The following SLC25A21 variants were observed in gnomAD, a reference collection of about 807,000 sequenced individuals.
SLC25A21 encodes the protein solute carrier family 25 member 21, also known as mitochondrial 2-oxodicarboxylate carrier.
In SLC25A21, 47 loss-of-function variants were observed where a neutral mutation model predicts 43.8. That is an observed-to-expected ratio of 1.07 (90% CI 0.85 to 1.37). The LOEUF (loss-of-function observed/expected upper bound fraction) is 1.37, where lower values mean the gene tolerates loss of function less well. SLC25A21 is among the 40% of genes most tolerant of loss of function. SLC25A21 has a pLI of 0.00. For synonymous variants in SLC25A21, 131 were observed against 121.3 expected, an observed-to-expected ratio of 1.08 and a Z score of -0.52; for missense variants, 352 against 350.2, an observed-to-expected ratio of 1.00 and a Z score of -0.04.
intron 1 of SLC25A21, among the ~76,000 whole-genome samples, chr14:37,085,283 T>G (rs1566870052): frequency 6.6e-6 from 1 of 152,196 alleles, no homozygotes; most frequent in Non-Finnish European, 1.5e-5. Flanking sequence ...CAGCCTTATT[T>G]TCTCCAACTC....
At chr14:37,136,332 T>C (rs904833060) in intron 1 of SLC25A21, among the ~76,000 whole-genome samples, 1 of 152,190 alleles carries the variant, frequency 6.6e-6, no homozygotes, top group Non-Finnish European at 1.5e-5. Context: ...TTAAATAGCC[T>C]TTCATGCCTA....
intron 1 of SLC25A21, among the ~76,000 whole-genome samples, chr14:36,916,709 T>C (rs1168186547): frequency 6.6e-6 from 1 of 152,188 alleles, no homozygotes; most frequent in Non-Finnish European, 1.5e-5. Flanking sequence ...GTATAACTAC[T>C]GTGTCCACAC....
At position 37,004,282 on chromosome 14, in the gene SLC25A21, A is replaced by C. The variant is rs541450744; in HGVS notation, c.71-129278T>G. Among the ~76,000 whole-genome samples the C allele has an allele frequency of 5.9e-4, 90 of 152,304 alleles. 1 individual carries two copies. Among genetic ancestry groups the C allele is most frequent in the African/African-American group, 2.2e-3 (90 of 41,580 alleles). On this transcript the variant is annotated intron_variant, in intron 1 of 9. Coordinates refer to ENST00000331299, the MANE Select transcript of SLC25A21 (RefSeq NM_030631.4). ...CCAAATTCTATTTTGAAATGTCATC[A>C]GTGCTTGGGGAAAAAAACTATCAGT...
At chr14:37,043,734 C>CT (rs940235064) in intron 1 of SLC25A21, among the ~76,000 whole-genome samples, 183 of 151,798 alleles carry the variant, frequency 1.2e-3, no homozygotes, top group African/African-American at 4.2e-3. Context: ...TTCTCCCATT[C>CT]TTTTTTTGTT....
At chr14:36,798,695 G>A (rs1887758846) in intron 3 of SLC25A21, among the ~76,000 whole-genome samples, 1 of 152,062 alleles carries the variant, frequency 6.6e-6, no homozygotes, top group African/African-American at 2.4e-5. Flanking sequence ...CAGAAAAGAT[G>A]CCGATATCTT....
intron 1 of SLC25A21, among the ~76,000 whole-genome samples, chr14:37,124,730 G>A (rs1359853645): frequency 6.6e-6 from 1 of 152,146 alleles, no homozygotes; most frequent in Admixed American, 6.5e-5. Context: ...GTGTTGGTGG[G>A]GCCTGGTGGG....
chr14:36,896,887 A>G (rs1007762428), intron 1 of SLC25A21, among the ~76,000 whole-genome samples: 6 of 152,164 alleles, frequency 3.9e-5, no homozygotes, highest in Admixed American at 6.5e-5. Flanking sequence ...GCTGGCTTGT[A>G]GAGTTTCTGC....
At chr14:36,708,160 T>A (rs1470168316) in intron 7 of SLC25A21, among the ~76,000 whole-genome samples, 1 of 152,204 alleles carries the variant, frequency 6.6e-6, no homozygotes, top group Non-Finnish European at 1.5e-5. Context: ...TACTGTAGGA[T>A]ACTTTGGATG....
intron 2 of SLC25A21, among the ~76,000 whole-genome samples, chr14:36,826,856 G>A (rs1888852075): frequency 6.6e-6 from 1 of 152,162 alleles, no homozygotes; most frequent in African/African-American, 2.4e-5. Context: ...TCACTCTCAG[G>A]TATAGCCCCT....
At chr14:36,698,433 G>A (rs1472106642) in intron 7 of SLC25A21, among the ~76,000 whole-genome samples, 1 of 152,152 alleles carries the variant, frequency 6.6e-6, no homozygotes, top group Non-Finnish European at 1.5e-5. Context: ...GGTGTTCTCT[G>A]TATTTCCTGA....
At chr14:36,867,790 C>CGTGTGTGTGT (rs10606711) in intron 2 of SLC25A21, among the ~76,000 whole-genome samples, 1 of 146,128 alleles carries the variant, frequency 6.8e-6, no homozygotes, top group African/African-American at 2.5e-5. Context: ...ACCATGCTTT[C>CGTGTGTGTGT]GTGTGTGTGT....
chr14:37,160,267 C>A (rs983826292), intron 1 of SLC25A21, among the ~76,000 whole-genome samples: 1 of 152,180 alleles, frequency 6.6e-6, no homozygotes, highest in Admixed American at 6.5e-5. Flanking sequence ...GCTGCACTTG[C>A]ATGTTTATTG....
chr14:36,752,876 G>A (rs908209434), intron 3 of SLC25A21, among the ~76,000 whole-genome samples: 4 of 152,134 alleles, frequency 2.6e-5, no homozygotes, highest in Non-Finnish European at 1.5e-5. Flanking sequence ...GAAGAAGGAC[G>A]TGTTTGCTTC....
intron 1 of SLC25A21, among the ~76,000 whole-genome samples, chr14:37,138,440 G>A (rs1014314195): frequency 6.6e-6 from 1 of 152,070 alleles, no homozygotes; most frequent in Non-Finnish European, 1.5e-5. Context: ...GAGAAAATGT[G>A]AAGATTTTCA....
chr14:37,115,166 G>A (rs1483588345), intron 1 of SLC25A21, among the ~76,000 whole-genome samples: 5 of 152,192 alleles, frequency 3.3e-5, no homozygotes, highest in African/African-American at 9.6e-5. Flanking sequence ...TCTTTTGCCC[G>A]GGGATATATC....
At chr14:37,040,373 G>GAAAGAAAGAAAGAAAGAA (rs57318602) in intron 1 of SLC25A21, among the ~76,000 whole-genome samples, 7 of 20,944 alleles carry the variant, frequency 3.3e-4, no homozygotes, top group Non-Finnish European at 4.9e-4. Context: ...GAGAGAGAGA[G>GAAAGAAAGAAAGAAAGAA]AGAAAGAAAG....
At chr14:36,745,965 T>C (rs1234836385) in intron 3 of SLC25A21, among the ~76,000 whole-genome samples, 2 of 152,092 alleles carry the variant, frequency 1.3e-5, no homozygotes, top group East Asian at 1.9e-4. Context: ...CAGATGTTGA[T>C]GGAGATGCAG....
At chr14:36,895,463 C>G (rs1174052973) in intron 1 of SLC25A21, among the ~76,000 whole-genome samples, 4 of 152,044 alleles carry the variant, frequency 2.6e-5, no homozygotes, top group African/African-American at 9.7e-5. Context: ...AGCAGTCTAT[C>G]AATTTTGTTG....
At chr14:36,933,250 T>C (rs1288750887) in intron 1 of SLC25A21, among the ~76,000 whole-genome samples, 1 of 152,120 alleles carries the variant, frequency 6.6e-6, no homozygotes, top group African/African-American at 2.4e-5. Context: ...AAAGGGAAGG[T>C]GAACATGAGC....
Sources: gnomAD v4.1 joint callset for allele counts (sites outside exome capture counted in the v4.1 genomes callset) on GRCh38, gnomAD v4.1.1 for gene constraint, MANE v1.5 for transcripts, NCBI Gene and HGNC (gene_info 2026-07-23, HGNC 2026-07-21) for gene names.